The following NPRL3 variants were observed in gnomAD, a reference collection of about 807,000 sequenced individuals.
The protein encoded by NPRL3 is GATOR1 complex protein NPRL3.
NPRL3 carries 23 observed loss-of-function variants against 57.2 expected under a neutral mutation model. The ratio of observed to expected loss-of-function variants is 0.40; its 90% CI spans 0.29 to 0.57. The LOEUF is 0.57. Among genes scored for constraint, NPRL3 ranks in the 20% least tolerant of loss-of-function variants. The probability of loss-of-function intolerance (pLI) is 0.42; values close to 1 mark genes in which losing one functional copy is unlikely to be tolerated. For synonymous variants in NPRL3, 333 were observed against 321.1 expected (o/e 1.04, Z -0.39); for missense variants, 691 against 767.1 (o/e 0.90, Z 1.17).
At chr16:119,334 A>T in intron 3 of NPRL3, 79 bp from the exon 4 acceptor site, 1 of 1,428,322 alleles carries the variant, frequency 7.0e-7, no homozygotes. Flanking sequence ...CCAGAGCGGA[A>T]GGGTCTCAGT....
In NPRL3 at chr16:129,028, A is replaced by C. The variant is rs369438370; in HGVS notation, c.188+1494T>G. ...TCTTCAATAAAAGATTCTAGAGAGAAGCATGCCCCTCCCACAGTTTTACCT... is the reference window on the plus strand; with the variant it reads ...TCTTCAATAAAAGATTCTAGAGAGACGCATGCCCCTCCCACAGTTTTACCT... On this transcript the variant is annotated intron_variant, in intron 3 of 13. Coordinates refer to ENST00000611875, the MANE Select transcript of NPRL3 (RefSeq NM_001077350.3). 2.0e-4 allele frequency among the ~76,000 whole-genome samples: 30 copies of C among 152,368 alleles called. No homozygotes were observed. In the East Asian group the frequency reaches 4.8e-3, roughly 24 times the overall value.
rs1361784389 is a variant in NPRL3 at position 130,593 on chromosome 16, T to C, written c.119-2A>G. 6.4e-7 allele frequency: 1 copy of C among 1,553,666 alleles called. No individual in the cohort carries two copies. The highest frequency in any genetic ancestry group is 8.7e-7 in the Non-Finnish European group (1 of 1,148,182). On this transcript the variant is annotated splice_acceptor_variant, in intron 2 of 13. Transcript: ENST00000611875. LOFTEE classifies it high-confidence loss of function. ...CAGCGTATCTGCTACGCGGCTTACC[T>C]GAGTCGGGGCGAAAAGAGGGGAAGG...
chr16:119,310 A>G, intron 3 of NPRL3, 55 bp from the exon 4 acceptor site: 1 of 1,531,240 alleles, frequency 6.5e-7, no homozygotes, highest in Non-Finnish European at 8.9e-7. Context: ...CCACAGCACC[A>G]TGCCCTGCTG....
intron 7 of NPRL3, among the ~76,000 whole-genome samples, chr16:103,811 T>A (rs1899415146): frequency 6.6e-6 from 1 of 152,082 alleles, no homozygotes; most frequent in Non-Finnish European, 1.5e-5. Flanking sequence ...AAACCCTGTC[T>A]CTACTAAAAA....
At chr16:114,468 C>A (rs1336914915) in intron 5 of NPRL3, among the ~76,000 whole-genome samples, 1 of 152,160 alleles carries the variant, frequency 6.6e-6, no homozygotes, top group Non-Finnish European at 1.5e-5. Flanking sequence ...CAAATAGAAC[C>A]AAGCCTTCAG....
At chr16:112,285 A>G (rs992767672) in intron 6 of NPRL3, among the ~76,000 whole-genome samples, 1 of 152,202 alleles carries the variant, frequency 6.6e-6, no homozygotes, top group African/African-American at 2.4e-5. Context: ...TTCATCTACA[A>G]ATGTGCCCCT....
At chr16:94,351 C>A (rs1222709857) in intron 9 of NPRL3, among the ~76,000 whole-genome samples, 7 of 152,224 alleles carry the variant, frequency 4.6e-5, no homozygotes, top group Non-Finnish European at 1.0e-4. Context: ...CAGCCCAGGA[C>A]ACCACTCCAC....
chr16:105,465 C>T (rs1314386762), intron 7 of NPRL3, among the ~76,000 whole-genome samples: 4 of 151,318 alleles, frequency 2.6e-5, no homozygotes, highest in East Asian at 1.9e-4. Context: ...AAATTTCAAA[C>T]GAAAGTTTAT....
chr16:138,360 AGGGGGCCTGAGGAGGACGAGGCGGG>A, intron 1 of NPRL3, 26 bp from the exon 2 acceptor site: 1 of 678,912 alleles, frequency 1.5e-6, no homozygotes. Flanking sequence ...CCGGAGGCGG[AGGGGGCCTGAGGAGGACGAGGCGGG>A]GACGCAGGGG....
At chr16:92,938 C>T (rs1033435128) in intron 10 of NPRL3, 10 of 635,922 alleles carry the variant, frequency 1.6e-5, no homozygotes, top group Admixed American at 2.7e-5. Context: ...ACAGTTCATC[C>T]TGCATCTCAC....
chr16:132,995 T>C (rs756007809), intron 2 of NPRL3, among the ~76,000 whole-genome samples: 23 of 152,084 alleles, frequency 1.5e-4, no homozygotes, highest in Admixed American at 2.6e-4. Flanking sequence ...GTTATAGAGA[T>C]GGTTTCTTTC....
chr16:92,657 T>C lies in NPRL3; in HGVS notation c.1100A>G (p.Lys367Arg), dbSNP rs776081581. 8.7e-6 allele frequency: 14 copies of C among 1,613,688 alleles called. No individual in the cohort carries two copies. Among genetic ancestry groups the C allele is most frequent in the Non-Finnish European group, 1.2e-5 (14 of 1,179,850 alleles). Residue 367 changes from lysine (K) to arginine (R), a missense_variant, in exon 11 of 14, where the codon AAG (lysine) becomes AGG (arginine). Transcript: ENST00000611875. Reference sequence around the variant, plus strand: ...TGACAAGGAGACCGGCAAGGAGAACTTGGCAAGAACGGACGGCAGGTCATG... The same window carrying C: ...TGACAAGGAGACCGGCAAGGAGAACCTGGCAAGAACGGACGGCAGGTCATG... ...PSHDLPSVLA[K>R]FSLPVSLSEF...
At chr16:136,936 G>A (rs917445631) in intron 2 of NPRL3, among the ~76,000 whole-genome samples, 25 of 151,658 alleles carry the variant, frequency 1.6e-4, no homozygotes, top group African/African-American at 4.4e-4. Flanking sequence ...GTCCGGGTGC[G>A]GTGGCTCACA....
At chr16:131,163 C>G (rs996321976) in intron 2 of NPRL3, among the ~76,000 whole-genome samples, 4 of 152,158 alleles carry the variant, frequency 2.6e-5, no homozygotes, top group African/African-American at 4.8e-5. Flanking sequence ...GGCGAAACCC[C>G]GTCTCTACTA....
Position 138,201 on chromosome 16 carries a change from G to T in NPRL3, c.67C>A (p.Leu23Met). Reference protein sequence around the residue: ...VSSGSRGNKLLFRYPFQRSQE... With the variant: ...VSSGSRGNKLMFRYPFQRSQE... ...CTTCTCTGGAAGGGGTACCTGAACAGCAGCTTATTGCCCCTGCTCCCCGAG... is the reference window on the plus strand; with the variant it reads ...CTTCTCTGGAAGGGGTACCTGAACATCAGCTTATTGCCCCTGCTCCCCGAG... Residue 23 changes from leucine to methionine, a missense_variant, in exon 2 of 14, where the codon CTG becomes ATG. Leu to Met is a conservative substitution (Grantham distance 15). Coordinates refer to ENST00000611875, the MANE Select transcript of NPRL3 (RefSeq NM_001077350.3). 2 of 1,610,438 alleles carry T rather than the reference G, an allele frequency of 1.2e-6. No individual in the cohort carries two copies. The highest frequency in any genetic ancestry group is 8.5e-7 in the Non-Finnish European group (1 of 1,178,686).
rs757576353 is a variant in NPRL3, at chr16:85,470, G to T, written c.*1235C>A. The T allele has an allele frequency of 1.2e-6, 2 of 1,613,054 alleles. No homozygotes were observed. The highest frequency in any genetic ancestry group is 1.1e-5 in the South Asian group (1 of 91,074). On this transcript the variant is annotated 3_prime_UTR_variant, in exon 14 of 14. Coordinates refer to ENST00000611875, the MANE Select transcript of NPRL3 (RefSeq NM_001077350.3). ...GGTCTGGAGACCATGCGTCAGCTTCGCAGCACCCTCCGGAAAGGCACCGCC... is the reference window on the plus strand; with the variant it reads ...GGTCTGGAGACCATGCGTCAGCTTCTCAGCACCCTCCGGAAAGGCACCGCC...
chr16:119,526 G>C (rs1007690662), intron 3 of NPRL3: 2 of 465,734 alleles, frequency 4.3e-6, no homozygotes, highest in Non-Finnish European at 7.8e-6. Flanking sequence ...TTAAATTCAG[G>C]AGAGAAACAG....
At chr16:126,717 C>T (rs1387080458) in intron 3 of NPRL3, among the ~76,000 whole-genome samples, 1 of 152,142 alleles carries the variant, frequency 6.6e-6, no homozygotes, top group Non-Finnish European at 1.5e-5. Context: ...ACATGAGCAC[C>T]ATGGCCCCTA....
rs146387164 is a variant in NPRL3, at chr16:85,604, G to A, written c.*1101C>T. The A allele has an allele frequency of 6.2e-7, 1 of 1,610,076 alleles. No homozygotes were observed. The highest frequency in any genetic ancestry group is 1.7e-5 in the Admixed American group (1 of 59,758). On this transcript the variant is annotated 3_prime_UTR_variant, in exon 14 of 14. Coordinates refer to ENST00000611875, the MANE Select transcript of NPRL3 (RefSeq NM_001077350.3). ...GAGGGACCTGGCACAGGATGAAGCTGTATGGCTGGAGCGTGGTCCCCTGGA... is the reference window on the plus strand; with the variant it reads ...GAGGGACCTGGCACAGGATGAAGCTATATGGCTGGAGCGTGGTCCCCTGGA...
Sources: allele counts gnomAD v4.1 joint callset (sites outside exome capture counted in the v4.1 genomes callset), GRCh38; gene constraint gnomAD v4.1.1; transcripts MANE v1.5; gene names NCBI Gene and HGNC (gene_info 2026-07-23, HGNC 2026-07-21).